The following NKAIN3 variants were observed in gnomAD, a reference collection of about 807,000 sequenced individuals.
NKAIN3 encodes the protein sodium/potassium transporting ATPase interacting 3, also known as sodium/potassium-transporting ATPase subunit beta-1-interacting protein 3.
In NKAIN3, 25 loss-of-function variants were observed where a neutral mutation model predicts 30.2. The observed-to-expected ratio is 0.83, with a 90% confidence interval of 0.60 to 1.16. The LOEUF (loss-of-function observed/expected upper bound fraction) is 1.16, where lower values mean the gene tolerates loss of function less well. Ranked by LOEUF, NKAIN3 falls within the 50% of genes most tolerant of loss-of-function variation. NKAIN3 has a pLI of 0.00. For synonymous variants in NKAIN3, 91 were observed against 89.6 expected, an observed-to-expected ratio of 1.02 and a Z score of -0.09; for missense variants, 225 against 254.1, an observed-to-expected ratio of 0.89 and a Z score of 0.78.
intron 1 of NKAIN3, among the ~76,000 whole-genome samples, chr8:62,514,671 AAAT>A (rs1426692979): frequency 2.6e-5 from 4 of 152,166 alleles, no homozygotes; most frequent in African/African-American, 9.7e-5. Flanking sequence ...CAAAGTGAAT[AAAT>A]AATTCATGTG....
intron 1 of NKAIN3, among the ~76,000 whole-genome samples, chr8:62,425,147 T>G (rs2129597102): frequency 6.6e-6 from 1 of 151,890 alleles, no homozygotes; most frequent in East Asian, 1.9e-4. Flanking sequence ...AATGGGGAGT[T>G]GCTATTCAAC....
At chr8:62,836,237 G>T (rs1216584744) in intron 4 of NKAIN3, among the ~76,000 whole-genome samples, 2 of 151,742 alleles carry the variant, frequency 1.3e-5, no homozygotes, top group African/African-American at 4.8e-5. Context: ...TCACTACCTG[G>T]GTTATGAGAT....
intron 4 of NKAIN3, among the ~76,000 whole-genome samples, chr8:62,853,355 C>T (rs1405807247): frequency 1.3e-5 from 2 of 152,094 alleles, no homozygotes; most frequent in African/African-American, 2.4e-5. Context: ...TGTCTCTGCA[C>T]GTGAGATGGG....
intron 1 of NKAIN3, among the ~76,000 whole-genome samples, chr8:62,456,761 C>T (rs35151707): frequency 0.08 from 12,217 of 152,204 alleles, 695 homozygotes; most frequent in Middle Eastern, 0.13. Context: ...TCGCACTCTG[C>T]GATGTGATTT....
intron 3 of NKAIN3, among the ~76,000 whole-genome samples, chr8:62,734,846 T>G (rs1292712124): frequency 1.3e-5 from 2 of 152,220 alleles, no homozygotes; most frequent in Non-Finnish European, 2.9e-5. Context: ...ATTTCATCTT[T>G]CCTTTATTTA....
chr8:62,276,922 CTA>C (rs1183341109), intron 1 of NKAIN3, among the ~76,000 whole-genome samples: 5 of 151,828 alleles, frequency 3.3e-5, no homozygotes, highest in Non-Finnish European at 5.9e-5. Flanking sequence ...TAATTTTTTT[CTA>C]TGTTTAATTT....
chr8:62,961,082 C>T (rs1230027646), intron 6 of NKAIN3, among the ~76,000 whole-genome samples: 1 of 152,078 alleles, frequency 6.6e-6, no homozygotes. Context: ...GAGTTCGACA[C>T]CAGCCTGGGC....
rs545194272 is a variant in NKAIN3, at chr8:62,764,859, G to A, written c.471+17730G>A. Among the ~76,000 whole-genome samples, 272 of 152,222 alleles carry A rather than the reference G, an allele frequency of 1.8e-3. 1 individual carries two copies. Among genetic ancestry groups the A allele is most frequent in the African/African-American group, 3.4e-3 (142 of 41,540 alleles). ...TTCTTTTCAAGCTATTCTCATTAAT[G>A]GAATTAACTATCAGAAGGAAAATCC... On this transcript the variant is annotated intron_variant, in intron 4 of 6. Transcript: ENST00000623646.
At chr8:62,711,539 T>C (rs1160522099) in intron 3 of NKAIN3, among the ~76,000 whole-genome samples, 2 of 152,160 alleles carry the variant, frequency 1.3e-5, no homozygotes, top group Non-Finnish European at 2.9e-5. Flanking sequence ...GCTAAGACTT[T>C]CCAGAGCATT....
At chr8:62,275,307 T>C (rs866006126) in intron 1 of NKAIN3, among the ~76,000 whole-genome samples, 1 of 152,246 alleles carries the variant, frequency 6.6e-6, no homozygotes, top group African/African-American at 2.4e-5. Flanking sequence ...TGAGATGGTA[T>C]CTCATTGTGG....
chr8:62,607,091 G>A (rs551076897), intron 3 of NKAIN3, among the ~76,000 whole-genome samples: 1 of 152,184 alleles, frequency 6.6e-6, no homozygotes, highest in Non-Finnish European at 1.5e-5. Flanking sequence ...ATGTAGAAAT[G>A]AAGTTAGCCA....
chr8:62,334,546 C>T (rs985412860), intron 1 of NKAIN3, among the ~76,000 whole-genome samples: 5 of 152,190 alleles, frequency 3.3e-5, no homozygotes, highest in African/African-American at 7.2e-5. Context: ...AAAGACCATA[C>T]GTTTCCTAAC....
chr8:62,644,525 C>T (rs1400240876), intron 3 of NKAIN3, among the ~76,000 whole-genome samples: 1 of 152,010 alleles, frequency 6.6e-6, no homozygotes, highest in Non-Finnish European at 1.5e-5. Flanking sequence ...ATCTCTACAC[C>T]TATATCCACA....
intron 4 of NKAIN3, among the ~76,000 whole-genome samples, chr8:62,849,595 T>TCCCCCGGGGGGGGC: frequency 1.2e-5 from 1 of 85,308 alleles, no homozygotes; most frequent in African/African-American, 4.8e-5. Context: ...GCTATCCCTC[T>TCCCCCGGGGGGGGC]CCCCTCCCCC....
chr8:62,527,011 T>C (rs1056483999), intron 1 of NKAIN3, among the ~76,000 whole-genome samples: 1 of 152,156 alleles, frequency 6.6e-6, no homozygotes, highest in Non-Finnish European at 1.5e-5. Context: ...CCATAGCTTC[T>C]GTCTTTTCCG....
rs574782765 is a variant in NKAIN3, at chr8:62,564,864, T to G, written c.55-14675T>G. Among the ~76,000 whole-genome samples, 3 of 152,280 alleles carry G rather than the reference T, an allele frequency of 2.0e-5. No individual in the cohort carries two copies. In the South Asian group the frequency reaches 6.2e-4, roughly 32 times the overall value. Reference sequence around the variant, plus strand: ...TAATTTGAGTTTGTTGGCTAAAATATTTAGAAAATTTAGAATAGCAATAAT... The same window carrying G: ...TAATTTGAGTTTGTTGGCTAAAATAGTTAGAAAATTTAGAATAGCAATAAT... On this transcript the variant is annotated intron_variant, in intron 1 of 6. Coordinates refer to ENST00000623646, the MANE Select transcript of NKAIN3 (RefSeq NM_001304533.3).
intron 3 of NKAIN3, among the ~76,000 whole-genome samples, chr8:62,630,037 A>C (rs562186769): frequency 1.3e-5 from 2 of 152,258 alleles, no homozygotes; most frequent in South Asian, 4.1e-4. Context: ...AAAAGAGAGA[A>C]CCACATTCAC....
chr8:62,436,861 T>A (rs575002210), intron 1 of NKAIN3, among the ~76,000 whole-genome samples: 58 of 152,222 alleles, frequency 3.8e-4, no homozygotes, highest in African/African-American at 1.3e-3. Context: ...AGTAAGAAAT[T>A]AAAATCCATA....
intron 4 of NKAIN3, among the ~76,000 whole-genome samples, chr8:62,815,534 G>A (rs2130721987): frequency 6.6e-6 from 1 of 152,250 alleles, no homozygotes; most frequent in South Asian, 2.1e-4. Flanking sequence ...GATCAAGTGG[G>A]CTTCATCCCT....
Sources: allele counts gnomAD v4.1 joint callset (sites outside exome capture counted in the v4.1 genomes callset), GRCh38; gene constraint gnomAD v4.1.1; transcripts MANE v1.5; gene names NCBI Gene and HGNC (gene_info 2026-07-23, HGNC 2026-07-21).